The following HIVEP2 variants were observed in gnomAD, a reference collection of about 807,000 sequenced individuals.
HIVEP2 encodes the protein HIVEP zinc finger 2, also known as transcription factor HIVEP2.
HIVEP2 carries 14 observed loss-of-function variants against 180.7 expected under a neutral mutation model. The observed-to-expected ratio is 0.08, with a 90% CI of 0.05 to 0.12. The LOEUF (loss-of-function observed/expected upper bound fraction) is 0.12. HIVEP2 is among the 10% of genes least tolerant of loss of function. HIVEP2 has a pLI of 1.00. For missense variants in HIVEP2, 2,579 were observed against 3,008.5 expected, an observed-to-expected ratio of 0.86 and a Z score of 3.34; for synonymous variants, 1,184 against 1,136.4, an observed-to-expected ratio of 1.04 and a Z score of -0.84.
At chr6:142,845,799 C>G (rs1775497982) in intron 1 of HIVEP2, among the ~76,000 whole-genome samples, 1 of 152,240 alleles carries the variant, frequency 6.6e-6, no homozygotes, top group African/African-American at 2.4e-5. Context: ...ATTGACAGCG[C>G]CCTGGCAGAG....
intron 3 of HIVEP2, among the ~76,000 whole-genome samples, chr6:142,779,083 GT>G (rs1775776109): frequency 6.6e-6 from 1 of 152,056 alleles, no homozygotes; most frequent in Admixed American, 6.5e-5. Flanking sequence ...GTTTTCTTTT[GT>G]TCTTTGAAAA....
At position 142,810,845 on chromosome 6, in the gene HIVEP2, T is replaced by C. The variant is rs115203981; in HGVS notation, c.-528+26090A>G. Among the ~76,000 whole-genome samples the C allele has an allele frequency of 8.2e-3, 1,240 of 151,612 alleles. 16 individuals are homozygous for C. The highest frequency in any genetic ancestry group is 0.038 in the Middle Eastern group (11 of 290). ...ACAGGAGGTAAGGCTATAGGATCTGTCTTCAAACTGATTTCTGCTTCATGG... is the reference window on the plus strand; with the variant it reads ...ACAGGAGGTAAGGCTATAGGATCTGCCTTCAAACTGATTTCTGCTTCATGG... On this transcript the variant is annotated intron_variant, in intron 2 of 9. Transcript: ENST00000367603.
At chr6:142,899,261 C>G (rs563133254) in intron 1 of HIVEP2, among the ~76,000 whole-genome samples, 69 of 152,286 alleles carry the variant, frequency 4.5e-4, no homozygotes, top group Admixed American at 1.2e-3. Flanking sequence ...ATGCCCTTTC[C>G]CATGCTGTCA....
At chr6:142,754,911 ATAT>A (rs1201426932) in intron 9 of HIVEP2, among the ~76,000 whole-genome samples, 1 of 152,206 alleles carries the variant, frequency 6.6e-6, no homozygotes, top group Non-Finnish European at 1.5e-5. Context: ...TCAGGTTTTA[ATAT>A]TATCATATTT....
chr6:142,802,509 G>C (rs1275038100), intron 2 of HIVEP2, among the ~76,000 whole-genome samples: 1 of 151,780 alleles, frequency 6.6e-6, no homozygotes, highest in African/African-American at 2.4e-5. Flanking sequence ...CTGAGTCTTG[G>C]CCATGAAGTA....
chr6:142,864,284 A>C (rs1235657234), intron 1 of HIVEP2, among the ~76,000 whole-genome samples: 3 of 152,144 alleles, frequency 2.0e-5, no homozygotes, highest in Non-Finnish European at 4.4e-5. Flanking sequence ...TGGAGCCTGG[A>C]GGTCCCTTTA....
intron 1 of HIVEP2, among the ~76,000 whole-genome samples, chr6:142,863,341 G>A (rs938255787): frequency 1.3e-5 from 2 of 151,376 alleles, no homozygotes; most frequent in Non-Finnish European, 2.9e-5. Context: ...TTTTGTATCT[G>A]CCTTGTCCAA....
At chr6:142,787,334 C>G (rs1271090168) in intron 2 of HIVEP2, among the ~76,000 whole-genome samples, 1 of 151,850 alleles carries the variant, frequency 6.6e-6, no homozygotes, top group Non-Finnish European at 1.5e-5. Flanking sequence ...AAACTGGAAA[C>G]AAGATATGAT....
intron 1 of HIVEP2, among the ~76,000 whole-genome samples, chr6:142,923,157 ACT>A (rs1414124179): frequency 1.3e-5 from 2 of 152,050 alleles, no homozygotes; most frequent in Non-Finnish European, 2.9e-5. Context: ...AGATGGTGAA[ACT>A]CTGTCTCTAC....
At chr6:142,788,873 T>G (rs1257021775) in intron 2 of HIVEP2, among the ~76,000 whole-genome samples, 1 of 152,236 alleles carries the variant, frequency 6.6e-6, no homozygotes, top group Non-Finnish European at 1.5e-5. Flanking sequence ...TTCTGGAAAG[T>G]TAGAAAAGGC....
intron 2 of HIVEP2, among the ~76,000 whole-genome samples, chr6:142,802,856 A>G (rs999167090): frequency 6.6e-6 from 1 of 152,180 alleles, no homozygotes; most frequent in African/African-American, 2.4e-5. Flanking sequence ...TTTTATACTA[A>G]GAGGTAAAGT....
intron 1 of HIVEP2, among the ~76,000 whole-genome samples, chr6:142,939,710 T>G (rs1778131430): frequency 6.6e-6 from 1 of 152,252 alleles, no homozygotes; most frequent in African/African-American, 2.4e-5. Context: ...AAGTTTACTA[T>G]AAGCCATGTC....
chr6:142,880,078 G>A (rs571671307), intron 1 of HIVEP2, among the ~76,000 whole-genome samples: 14 of 152,042 alleles, frequency 9.2e-5, no homozygotes, highest in African/African-American at 2.7e-4. Flanking sequence ...TTTTCTTGGC[G>A]TCCACCTACC....
intron 2 of HIVEP2, among the ~76,000 whole-genome samples, chr6:142,818,888 A>G (rs1776946940): frequency 6.6e-6 from 1 of 151,994 alleles, no homozygotes; most frequent in African/African-American, 2.4e-5. Flanking sequence ...CTGTAATCCC[A>G]ACACTTTGGG....
chr6:142,883,918 G>T (rs1161758940), intron 1 of HIVEP2, among the ~76,000 whole-genome samples: 1 of 152,064 alleles, frequency 6.6e-6, no homozygotes, highest in Non-Finnish European at 1.5e-5. Flanking sequence ...GTTTTCAAAA[G>T]GAAGGTTTTT....
At chr6:142,826,021 T>C (rs1367745002) in intron 2 of HIVEP2, among the ~76,000 whole-genome samples, 1 of 152,158 alleles carries the variant, frequency 6.6e-6, no homozygotes, top group Non-Finnish European at 1.5e-5. Context: ...ATCCACTAGT[T>C]TGCTTCTATA....
intron 1 of HIVEP2, among the ~76,000 whole-genome samples, chr6:142,878,390 C>A (rs1381371426): frequency 6.6e-6 from 1 of 152,170 alleles, no homozygotes; most frequent in Non-Finnish European, 1.5e-5. Context: ...ATTTATACAT[C>A]CATTAAGATA....
At chr6:142,884,263 C>T (rs1011171235) in intron 1 of HIVEP2, among the ~76,000 whole-genome samples, 4 of 151,808 alleles carry the variant, frequency 2.6e-5, no homozygotes, top group Non-Finnish European at 5.9e-5. Flanking sequence ...CAGTGACAAG[C>T]AGCCTTGGTG....
At chr6:142,862,793 T>A (rs12212681) in intron 1 of HIVEP2, among the ~76,000 whole-genome samples, 26,800 of 134,108 alleles carry the variant, frequency 0.2, 3,502 homozygotes, top group Non-Finnish European at 0.29. Flanking sequence ...ATATTACATA[T>A]AATATATTTA....
Sources: allele counts gnomAD v4.1 joint callset (sites outside exome capture counted in the v4.1 genomes callset), GRCh38; gene constraint gnomAD v4.1.1; transcripts MANE v1.5; gene names NCBI Gene and HGNC (gene_info 2026-07-23, HGNC 2026-07-21).